Variants in B4GALNT3 observed in about 807,000 individuals in gnomAD.
The protein encoded by B4GALNT3 is beta-1,4-N-acetylgalactosaminyltransferase 3.
B4GALNT3 carries 86 observed loss-of-function variants against 120.2 expected under a neutral mutation model. The ratio of observed to expected loss-of-function variants is 0.72; its 90% CI spans 0.60 to 0.86. The LOEUF (loss-of-function observed/expected upper bound fraction) is 0.86. Among genes scored for constraint, B4GALNT3 ranks in the 40% least tolerant of loss-of-function variants. B4GALNT3 has a pLI of 0.00. For synonymous variants in B4GALNT3, 518 were observed against 510.4 expected (o/e 1.01, Z -0.20); for missense variants, 1,167 against 1,298.9 (o/e 0.90, Z 1.56).
chr12:511,292 G>GACCTTCC (rs111691445), intron 1 of B4GALNT3, among the ~76,000 whole-genome samples: 1 of 32,212 alleles, frequency 3.1e-5, no homozygotes, highest in Admixed American at 4.1e-4. Flanking sequence ...TTCCACCTTC[G>GACCTTCC]ACCTTCCACC....
At chr12:557,522 T>C (rs1947171980) in intron 15 of B4GALNT3, 86 bp from the exon 16 acceptor site, 4 of 1,438,456 alleles carry the variant, frequency 2.8e-6, no homozygotes, top group Non-Finnish European at 3.8e-6. Context: ...CACTCCTGAC[T>C]CACCTGGGAG....
At chr12:554,931 A>G (rs1343708204) in intron 14 of B4GALNT3, among the ~76,000 whole-genome samples, 3 of 151,900 alleles carry the variant, frequency 2.0e-5, no homozygotes, top group Non-Finnish European at 4.4e-5. Flanking sequence ...TAATCCCAAC[A>G]CTTTGGGAGA....
intron 1 of B4GALNT3, among the ~76,000 whole-genome samples, chr12:488,896 A>C (rs1946315401): frequency 6.6e-6 from 1 of 151,648 alleles, no homozygotes; most frequent in African/African-American, 2.4e-5. Flanking sequence ...TCCACTGGAA[A>C]AAAAAAAAAG....
chr12:535,607 G>A (rs1946850563), intron 2 of B4GALNT3, among the ~76,000 whole-genome samples: 1 of 152,218 alleles, frequency 6.6e-6, no homozygotes, highest in Admixed American at 6.5e-5. Flanking sequence ...TCTCACTAGG[G>A]TGAGGGCTGG....
At chr12:518,588 TG>T (rs1946679838) in intron 1 of B4GALNT3, among the ~76,000 whole-genome samples, 1 of 152,002 alleles carries the variant, frequency 6.6e-6, no homozygotes, top group Non-Finnish European at 1.5e-5. Flanking sequence ...GTTGTAAAGA[TG>T]GGGTCTGTTG....
chr12:510,111 T>G (rs115668059), intron 1 of B4GALNT3, among the ~76,000 whole-genome samples: 3,806 of 152,212 alleles, frequency 0.025, 166 homozygotes, highest in African/African-American at 0.085. Flanking sequence ...CCAGGCAAGA[T>G]GAGCGATGGA....
intron 1 of B4GALNT3, among the ~76,000 whole-genome samples, chr12:501,902 T>TA (rs1946447716): frequency 6.6e-6 from 1 of 152,232 alleles, no homozygotes. Context: ...GTACTGTACT[T>TA]ACGGCAGGTG....
intron 1 of B4GALNT3, among the ~76,000 whole-genome samples, chr12:505,930 T>G (rs1946492969): frequency 6.6e-6 from 1 of 152,200 alleles, no homozygotes; most frequent in Non-Finnish European, 1.5e-5. Context: ...TGCAACTCCA[T>G]CCATCTATTT....
chr12:480,418 G>A (rs1169918223), intron 1 of B4GALNT3, among the ~76,000 whole-genome samples: 5 of 151,920 alleles, frequency 3.3e-5, no homozygotes, highest in Middle Eastern at 3.4e-3. Context: ...CCGTAAACAC[G>A]GAAGGCTTGA....
intron 3 of B4GALNT3, among the ~76,000 whole-genome samples, chr12:539,973 C>G (rs1456040531): frequency 6.6e-6 from 1 of 152,208 alleles, no homozygotes; most frequent in Non-Finnish European, 1.5e-5. Context: ...CATAGGAGTT[C>G]CTGGTGTGTA....
At chr12:511,174 G>A (rs954715013) in intron 1 of B4GALNT3, among the ~76,000 whole-genome samples, 6 of 151,218 alleles carry the variant, frequency 4.0e-5, no homozygotes, top group Non-Finnish European at 5.9e-5. Context: ...AACTACAGGC[G>A]TGTGCCACCA....
chr12:548,829 C>T lies in B4GALNT3; in HGVS notation c.853+532C>T, dbSNP rs982428300. 6.6e-6 allele frequency among the ~76,000 whole-genome samples: 1 copy of T among 152,142 alleles called. No individual in the cohort carries two copies. The highest frequency in any genetic ancestry group is 2.4e-5 in the African/African-American group (1 of 41,416). On this transcript the variant is annotated intron_variant, in intron 9 of 19. Coordinates refer to ENST00000266383, the MANE Select transcript of B4GALNT3 (RefSeq NM_173593.4). The surrounding 1 kb of genome is among the most constrained non-coding windows in gnomAD (Gnocchi z 4.9). ...GAAGGATCGCTTGAGCCCAGGAGTT[C>T]GAAGCTGAAGCTACAGTGAGCTGTA...
intron 4 of B4GALNT3, 132 bp downstream of exon 4, chr12:544,566 T>A: frequency 1.2e-6 from 1 of 823,664 alleles, no homozygotes; most frequent in Non-Finnish European, 2.0e-6. Flanking sequence ...TCTTTTTGTC[T>A]GCCCATAATA....
At position 548,783 on chromosome 12, in the gene B4GALNT3, G is replaced by GC. The variant is rs199713347; in HGVS notation, c.853+488dup. Among the ~76,000 whole-genome samples, 2,434 of 152,294 alleles carry GC rather than the reference G, an allele frequency of 0.016. 61 individuals carry two copies. The highest frequency in any genetic ancestry group is 0.054 in the African/African-American group (2,254 of 41,544). ...AAATTAACTGGGTGTGGTGGCGCAT[G>GC]CCTGTAGTCACAGCTACTGGGAAGG... On this transcript the variant is annotated intron_variant, in intron 9 of 19. Coordinates refer to ENST00000266383, the MANE Select transcript of B4GALNT3 (RefSeq NM_173593.4). The surrounding 1 kb of genome is among the most constrained non-coding windows in gnomAD (Gnocchi z 4.9).
chr12:503,536 T>C (rs1340506517), intron 1 of B4GALNT3, among the ~76,000 whole-genome samples: 1 of 152,228 alleles, frequency 6.6e-6, no homozygotes, highest in East Asian at 1.9e-4. Context: ...CACGCCTCTT[T>C]GCTGTGTGGA....
At chr12:520,217 C>T (rs367958797) in intron 1 of B4GALNT3, among the ~76,000 whole-genome samples, 9 of 152,324 alleles carry the variant, frequency 5.9e-5, no homozygotes, top group African/African-American at 1.9e-4. Context: ...TTAGCAACAT[C>T]TCTGTTGACC....
In B4GALNT3 at chr12:459,976, G is replaced by C. The variant is rs928658937; in HGVS notation, c.-401G>C. On this transcript the variant is annotated 5_prime_UTR_variant, in exon 1 of 20. Coordinates refer to ENST00000266383, the MANE Select transcript of B4GALNT3 (RefSeq NM_173593.4). ...CAGGAGAGCCCAGAGCCCGGAGCCC[G>C]GTCCGGGGCTGGCGGGGGCGCGGGC... is the stretch of plus-strand genomic sequence containing the variant. 1.3e-5 allele frequency among the ~76,000 whole-genome samples: 2 copies of C among 151,542 alleles called. No individual in the cohort carries two copies. The highest frequency in any genetic ancestry group is 6.6e-5 in the Admixed American group (1 of 15,232).
intron 1 of B4GALNT3, among the ~76,000 whole-genome samples, chr12:470,550 CCTTT>C (rs1230088333): frequency 6.6e-6 from 1 of 152,178 alleles, no homozygotes; most frequent in Non-Finnish European, 1.5e-5. Flanking sequence ...TCCCGGGTCT[CCTTT>C]CTTCCCATTT....
At chr12:554,698 G>A (rs1480158498) in intron 14 of B4GALNT3, among the ~76,000 whole-genome samples, 2 of 145,912 alleles carry the variant, frequency 1.4e-5, no homozygotes, top group African/African-American at 5.1e-5. Context: ...GCTGAGGCAG[G>A]AGAATGGCGT....
Sources: allele counts gnomAD v4.1 joint callset (sites outside exome capture counted in the v4.1 genomes callset), GRCh38; gene constraint gnomAD v4.1.1; non-coding constraint Gnocchi (gnomAD v3.1); transcripts MANE v1.5; gene names NCBI Gene and HGNC (gene_info 2026-07-23, HGNC 2026-07-21).